Variants in NLGN4X observed in about 807,000 individuals in gnomAD.
NLGN4X encodes neuroligin 4 X-linked.
A neutral mutation model predicts 40.3 loss-of-function variants in NLGN4X; 3 were observed. That is an observed-to-expected ratio of 0.07 (90% CI 0.03 to 0.19). The LOEUF is 0.19. NLGN4X is among the 10% of genes least tolerant of loss of function. The pLI, the probability that NLGN4X is intolerant of heterozygous loss-of-function variation, is 1.00. For synonymous variants in NLGN4X, 270 were observed against 306.8 expected (o/e 0.88, Z 1.25); for missense variants, 382 against 708.3 (o/e 0.54, Z 5.23).
rs192765864 is a variant in NLGN4X at position 5,952,793 on chromosome X, T to C, written c.626-43554A>G. Among the ~76,000 whole-genome samples, 3 of 111,228 alleles carry C rather than the reference T, an allele frequency of 2.7e-5. No individual in the cohort carries two copies. The Admixed American group carries it at 2.9e-4, about 11-fold the overall frequency. On this transcript the variant is annotated intron_variant, in intron 3 of 5. Coordinates refer to ENST00000381095, the MANE Select transcript of NLGN4X (RefSeq NM_181332.3). ...TGCAGACTAGAGGCCGAATGCCTTCTTCTGCTTTGGGGGCCCTCAGGTTTT... is the reference window on the plus strand; with the variant it reads ...TGCAGACTAGAGGCCGAATGCCTTCCTCTGCTTTGGGGGCCCTCAGGTTTT...
intron 2 of NLGN4X, among the ~76,000 whole-genome samples, chrX:6,131,059 T>C (rs1402006721): frequency 8.9e-6 from 1 of 111,901 alleles, no homozygotes; most frequent in Non-Finnish European, 1.9e-5. Context: ...GACGATCTTT[T>C]ATTTTTAAAT....
chrX:6,043,128 C>A (rs765703292), intron 2 of NLGN4X, among the ~76,000 whole-genome samples: 1 of 66,260 alleles, frequency 1.5e-5, no homozygotes, highest in Non-Finnish European at 2.9e-5. Flanking sequence ...CTTCTATGCA[C>A]GCGCATACAC....
intron 2 of NLGN4X, among the ~76,000 whole-genome samples, chrX:6,105,528 G>C (rs1387521388): frequency 8.9e-6 from 1 of 111,743 alleles, no homozygotes; most frequent in African/African-American, 3.3e-5. Flanking sequence ...AGTACTTAGA[G>C]ACTATCGTCT....
At chrX:6,013,402 TAA>T (rs71977874) in intron 3 of NLGN4X, among the ~76,000 whole-genome samples, 1,244 of 96,275 alleles carry the variant, frequency 0.013, 19 homozygotes, top group African/African-American at 0.044. Flanking sequence ...TCACTCAAAC[TAA>T]AAAAAAAAAA....
At chrX:5,954,745 A>G (rs2034437761) in intron 3 of NLGN4X, among the ~76,000 whole-genome samples, 1 of 110,035 alleles carries the variant, frequency 9.1e-6, no homozygotes, top group Non-Finnish European at 1.9e-5. Flanking sequence ...CCCAGAATCT[A>G]GCACTTCCAG....
At chrX:6,177,873 G>A in intron 1 of NLGN4X, among the ~76,000 whole-genome samples, 1 of 109,998 alleles carries the variant, frequency 9.1e-6, no homozygotes, top group Non-Finnish European at 1.9e-5. Context: ...GAGGTGATGA[G>A]GTCATGAGGT....
intron 5 of NLGN4X, among the ~76,000 whole-genome samples, chrX:5,902,259 T>C (rs1338829876): frequency 9.0e-6 from 1 of 111,328 alleles, no homozygotes. Flanking sequence ...TAAGGTGGTG[T>C]GCACCTGTAG....
chrX:6,201,187 G>C (rs1208745470), intron 1 of NLGN4X, among the ~76,000 whole-genome samples: 2 of 112,106 alleles, frequency 1.8e-5, no homozygotes, highest in African/African-American at 6.5e-5. Flanking sequence ...ATGTTAGAGA[G>C]AGCAGTGAAA....
intron 3 of NLGN4X, among the ~76,000 whole-genome samples, chrX:5,949,742 T>C (rs1469115241): frequency 1.8e-5 from 2 of 112,051 alleles, no homozygotes; most frequent in African/African-American, 3.2e-5. Context: ...TGTTCACACA[T>C]TAATTCAATT....
At chrX:6,193,663 T>A (rs1265016352) in intron 1 of NLGN4X, among the ~76,000 whole-genome samples, 1 of 111,468 alleles carries the variant, frequency 9.0e-6, no homozygotes, top group Non-Finnish European at 1.9e-5. Context: ...ACTAGTCTAG[T>A]GGGAGCACCT....
At chrX:6,193,536 A>G (rs770884498) in intron 1 of NLGN4X, among the ~76,000 whole-genome samples, 1 of 108,796 alleles carries the variant, frequency 9.2e-6, no homozygotes, top group African/African-American at 3.4e-5. Context: ...AGTAAAAGAG[A>G]TGATATTGTT....
intron 3 of NLGN4X, among the ~76,000 whole-genome samples, chrX:5,990,591 C>T (rs1401893105): frequency 8.9e-6 from 1 of 111,960 alleles, no homozygotes; most frequent in Non-Finnish European, 1.9e-5. Context: ...TTCATTTTTT[C>T]CTTTTTCATG....
intron 2 of NLGN4X, among the ~76,000 whole-genome samples, chrX:6,144,059 T>C (rs2040000790): frequency 8.9e-6 from 1 of 111,968 alleles, no homozygotes; most frequent in Non-Finnish European, 1.9e-5. Flanking sequence ...CAGTGAGCTA[T>C]GACTGTGACA....
chrX:5,998,670 C>T (rs1168945257), intron 3 of NLGN4X, among the ~76,000 whole-genome samples: 1 of 111,866 alleles, frequency 8.9e-6, no homozygotes, highest in Non-Finnish European at 1.9e-5. Context: ...TTTTTTCCAA[C>T]AGCTAAAATG....
intron 3 of NLGN4X, among the ~76,000 whole-genome samples, chrX:6,024,988 C>G (rs1259070893): frequency 9.0e-6 from 1 of 111,564 alleles, no homozygotes; most frequent in Non-Finnish European, 1.9e-5. Flanking sequence ...CCTTCTTGCA[C>G]GAGAATCAAG....
chrX:6,148,648 TG>T (rs1364161863), intron 2 of NLGN4X, among the ~76,000 whole-genome samples: 2 of 110,566 alleles, frequency 1.8e-5, no homozygotes, highest in East Asian at 2.8e-4. Context: ...CCTGAGTAGC[TG>T]GGATTACAGA....
intron 3 of NLGN4X, among the ~76,000 whole-genome samples, chrX:5,954,574 T>C (rs1057251524): frequency 2.8e-5 from 3 of 106,849 alleles, no homozygotes; most frequent in African/African-American, 1.0e-4. Flanking sequence ...TTCACTAGCA[T>C]CATCCCTTGG....
At chrX:6,042,685 T>TTATA (rs749649054) in intron 2 of NLGN4X, among the ~76,000 whole-genome samples, 45 of 28,387 alleles carry the variant, frequency 1.6e-3, no homozygotes, top group East Asian at 5.9e-3. Flanking sequence ...CATAGAGGTT[T>TTATA]TATATATATA....
At chrX:6,209,216 C>G (rs1372943472) in intron 1 of NLGN4X, among the ~76,000 whole-genome samples, 1 of 110,957 alleles carries the variant, frequency 9.0e-6, no homozygotes, top group Non-Finnish European at 1.9e-5. Context: ...ATAATAGACC[C>G]TGGAGAATCA....
Sources: allele counts gnomAD v4.1 joint callset (sites outside exome capture counted in the v4.1 genomes callset), GRCh38; gene constraint gnomAD v4.1.1; transcripts MANE v1.5; gene names NCBI Gene and HGNC (gene_info 2026-07-23, HGNC 2026-07-21).